Variants in CFLAR observed in about 807,000 individuals in gnomAD.
CFLAR encodes the protein CASP8 and FADD-like apoptosis regulator.
In CFLAR, 14 loss-of-function variants were observed where a neutral mutation model predicts 51.1. The observed-to-expected ratio is 0.27, with a 90% CI of 0.18 to 0.43. The LOEUF (loss-of-function observed/expected upper bound fraction) is 0.43, where lower values mean the gene tolerates loss of function less well. Among genes scored for constraint, CFLAR ranks in the 20% least tolerant of loss-of-function variants. The pLI is 1.00. For missense variants in CFLAR, 390 were observed against 566.5 expected, an observed-to-expected ratio of 0.69 and a Z score of 3.16; for synonymous variants, 210 against 211.6, an observed-to-expected ratio of 0.99 and a Z score of 0.06.
rs1339625193 is a variant in CFLAR, at chr2:201,168,214, CCTGGG to C, written c.*4243_*4247del. 3 of 152,086 alleles carry C rather than the reference CCTGGG, an allele frequency of 2.0e-5. No homozygotes were observed. Among genetic ancestry groups the C allele is most frequent in the Non-Finnish European group, 4.4e-5 (3 of 68,024 alleles). The allele number at this position is 152,086 out of a possible 1,614,324, so 9.4% of individuals were successfully genotyped here. ...CTGAGATCTTGCCACTGCACTCCAGCCTGGGCGACAGTGCGAGACTCTGTCTCAAA... is the reference window on the plus strand; with the variant it reads ...CTGAGATCTTGCCACTGCACTCCAGCCGACAGTGCGAGACTCTGTCTCAAA... On this transcript the variant is annotated 3_prime_UTR_variant, in exon 10 of 10. Transcript: ENST00000309955.
rs186634323 is a variant in CFLAR, at chr2:201,169,244, G to A, written c.*5271G>A. 5 of 152,250 alleles carry A rather than the reference G, an allele frequency of 3.3e-5. No homozygotes were observed. The highest frequency in any genetic ancestry group is 9.6e-5 in the African/African-American group (4 of 41,550). 9.4% of individuals were successfully genotyped at this position (152,250 alleles called of 1,614,324 possible). ...AGGCTACAGTAGCCAAAATGGCATG[G>A]TACTGGTACAAAAACAGACACATAG... is the stretch of plus-strand genomic sequence containing the variant. On this transcript the variant is annotated 3_prime_UTR_variant, in exon 10 of 10. Transcript: ENST00000309955.
At chr2:201,130,339 CTTTT>C (rs1235782239) in intron 2 of CFLAR, among the ~76,000 whole-genome samples, 193 bp downstream of exon 2, 123 of 131,678 alleles carry the variant, frequency 9.3e-4, no homozygotes, top group Non-Finnish European at 1.7e-3. Flanking sequence ...TTCTTGCTTT[CTTTT>C]TCTTTCTTTC....
Position 201,164,021 on chromosome 2 carries a change from T to A in CFLAR, c.*48T>A. 1 of 1,535,452 alleles carries A rather than the reference T, an allele frequency of 6.5e-7. No homozygotes were observed. The highest frequency in any genetic ancestry group is 8.9e-7 in the Non-Finnish European group (1 of 1,127,300). The stretch of plus-strand genomic sequence containing the variant: ...TGGCTCACACCTGTAATCCCAGCAC[T>A]TTGGGAGGCCAAGGAGGGCAGATCA... On this transcript the variant is annotated 3_prime_UTR_variant, in exon 10 of 10. Transcript: ENST00000309955.
At chr2:201,148,616 TC>T (rs1282452494) in intron 6 of CFLAR, 1 of 202,572 alleles carries the variant, frequency 4.9e-6, no homozygotes, top group Non-Finnish European at 1.0e-5. Context: ...CTAAGGCTGT[TC>T]CCTTTAGGTA....
At position 201,164,186 on chromosome 2, in the gene CFLAR, AC is replaced by A. The variant is rs2125952031; in HGVS notation, c.*216del. ...AGGCTGAGGTGGGAGGATCTTTTGA[AC>A]CCAGGAGTTCAGGGTCATAGCATGC... is the stretch of plus-strand genomic sequence containing the variant. On this transcript the variant is annotated 3_prime_UTR_variant, in exon 10 of 10. Coordinates refer to ENST00000309955, the MANE Select transcript of CFLAR (RefSeq NM_003879.7). 1 of 402,630 alleles carries A rather than the reference AC, an allele frequency of 2.5e-6. No individual in the cohort carries two copies. Among genetic ancestry groups the A allele is most frequent in the African/African-American group, 2.0e-5 (1 of 49,226 alleles). 24.9% of individuals were successfully genotyped at this position (402,630 alleles called of 1,614,324 possible). A position where few individuals can be genotyped will look rare whatever the true frequency, so the allele number is the denominator to read the frequency against.
At chr2:201,139,118 A>T (rs1275568393) in intron 4 of CFLAR, 2 of 376,340 alleles carry the variant, frequency 5.3e-6, no homozygotes, top group Non-Finnish European at 1.0e-5. Context: ...AGATGCTGTT[A>T]ATCTGTAACC....
intron 4 of CFLAR, chr2:201,137,133 G>A: frequency 5.2e-6 from 1 of 192,050 alleles, no homozygotes; most frequent in South Asian, 9.7e-5. Flanking sequence ...AGGGTCAGGA[G>A]AGCACCATTT....
intron 8 of CFLAR, 39 bp from the exon 9 acceptor site, chr2:201,160,392 TC>T: frequency 1.3e-6 from 2 of 1,591,812 alleles, no homozygotes; most frequent in African/African-American, 1.3e-5. Context: ...CTCTCCTCAC[TC>T]CAGTGTTGTT....
intron 4 of CFLAR, chr2:201,136,648 G>A (rs2050171286): frequency 2.2e-6 from 3 of 1,346,268 alleles, no homozygotes; most frequent in Non-Finnish European, 9.8e-7. Context: ...GCCTCAGCTT[G>A]GGCTTTGTTA....
At position 201,133,234 on chromosome 2, in the gene CFLAR, T is replaced by C. The variant is rs1402988460; in HGVS notation, c.387+100T>C. ...AGGGAAGCAGGCAGTCTGCCGCCAC[T>C]ATAGTGGGAGTCAGACATCTCAGGT... On this transcript the variant is annotated intron_variant, in intron 3 of 9. Coordinates refer to ENST00000309955, the MANE Select transcript of CFLAR (RefSeq NM_003879.7). The C allele has an allele frequency of 6.8e-5, 54 of 792,928 alleles. No individual in the cohort carries two copies. The East Asian group carries it at 1.4e-3, about 21-fold the overall frequency. The allele number at this position is 792,928 out of a possible 1,614,324, so 49.1% of individuals were successfully genotyped here.
At chr2:201,128,377 C>A (rs2048911548) in intron 1 of CFLAR, among the ~76,000 whole-genome samples, 1 of 152,128 alleles carries the variant, frequency 6.6e-6, no homozygotes. Context: ...TTTCCACTTT[C>A]ATTGAGCACA....
Position 201,171,833 on chromosome 2 carries a change from G to A in CFLAR, c.*7860G>A, listed in dbSNP as rs1364902551. ...ACTGTTAGCTCAGCCAAATTGAACA[G>A]CTCATATCTCCTACCTCTGGATCTT... On this transcript the variant is annotated 3_prime_UTR_variant, in exon 10 of 10. Coordinates refer to ENST00000309955, the MANE Select transcript of CFLAR (RefSeq NM_003879.7). The A allele has an allele frequency of 6.6e-6, 1 of 152,016 alleles. No homozygotes were observed. The allele number at this position is 152,016 out of a possible 1,614,324, so 9.4% of individuals were successfully genotyped here.
chr2:201,138,590 G>A lies in CFLAR; in HGVS notation c.524-1767G>A, dbSNP rs1341021661. 3 of 1,592,876 alleles carry A rather than the reference G, an allele frequency of 1.9e-6. No individual in the cohort carries two copies. The highest frequency in any genetic ancestry group is 1.3e-5 in the African/African-American group (1 of 74,680). On this transcript the variant is annotated intron_variant, in intron 4 of 9. Transcript: ENST00000309955. This position sits in a 1 kb window ranked among gnomAD's most constrained non-coding sequence, Gnocchi z 4.0. ...AGTCGATGTCTCGGGAGGTGACGATGCCCACCAGCTTGCTGCCCATGGTAC... is the reference window on the plus strand; with the variant it reads ...AGTCGATGTCTCGGGAGGTGACGATACCCACCAGCTTGCTGCCCATGGTAC...
At chr2:201,158,467 C>A (rs771693905) in intron 8 of CFLAR, among the ~76,000 whole-genome samples, 1 of 152,222 alleles carries the variant, frequency 6.6e-6, no homozygotes, top group Non-Finnish European at 1.5e-5. Context: ...GTGAACCAAT[C>A]TTGAGATAAG....
intron 4 of CFLAR, chr2:201,140,020 TC>T: frequency 6.6e-6 from 2 of 303,392 alleles, no homozygotes; most frequent in Non-Finnish European, 6.6e-6. Flanking sequence ...TGATAGGTAG[TC>T]CCTCATGCTG....
intron 3 of CFLAR, 127 bp downstream of exon 3, chr2:201,133,261 G>A (rs991651413): frequency 6.0e-5 from 38 of 633,274 alleles, no homozygotes; most frequent in Non-Finnish European, 9.7e-5. Flanking sequence ...ATCTCAGGTG[G>A]CTTTTAAACA....
chr2:201,169,435 C>T lies in CFLAR; in HGVS notation c.*5462C>T, dbSNP rs549098540. ...TGCAGAAAATTGAAACTGACCCCTTCCTTACACCTTATACAAAAATTAACT... is the reference window on the plus strand; with the variant it reads ...TGCAGAAAATTGAAACTGACCCCTTTCTTACACCTTATACAAAAATTAACT... On this transcript the variant is annotated 3_prime_UTR_variant, in exon 10 of 10. Coordinates refer to ENST00000309955, the MANE Select transcript of CFLAR (RefSeq NM_003879.7). 8 of 152,270 alleles carry T rather than the reference C, an allele frequency of 5.3e-5. No homozygotes were observed. Among genetic ancestry groups the T allele is most frequent in the African/African-American group, 1.9e-4 (8 of 41,560 alleles). The allele number at this position is 152,270 out of a possible 1,614,324, so 9.4% of individuals were successfully genotyped here. A position where few individuals can be genotyped will look rare whatever the true frequency, so the allele number is the denominator to read the frequency against.
At chr2:201,156,138 T>C (rs558101045) in intron 8 of CFLAR, among the ~76,000 whole-genome samples, 1 of 152,364 alleles carries the variant, frequency 6.6e-6, no homozygotes, top group East Asian at 1.9e-4. Context: ...ATATTTGATA[T>C]GTATTCTCTT....
intron 3 of CFLAR, among the ~76,000 whole-genome samples, chr2:201,135,314 GT>G (rs1170478199): frequency 2.6e-5 from 4 of 152,158 alleles, no homozygotes; most frequent in African/African-American, 4.8e-5. Context: ...AGCCCTTAGA[GT>G]TTTTCACTAT....
Sources: allele counts gnomAD v4.1 joint callset (sites outside exome capture counted in the v4.1 genomes callset), GRCh38; gene constraint gnomAD v4.1.1; non-coding constraint Gnocchi (gnomAD v3.1); transcripts MANE v1.5; gene names NCBI Gene and HGNC (gene_info 2026-07-23, HGNC 2026-07-21).